Variants in LRP2 observed in about 807,000 individuals in gnomAD.
LRP2 encodes the protein low-density lipoprotein receptor-related protein 2.
A neutral mutation model predicts 531.0 loss-of-function variants in LRP2; 172 were observed. The ratio of observed to expected loss-of-function variants is 0.32; its 90% confidence interval spans 0.29 to 0.37. The LOEUF (loss-of-function observed/expected upper bound fraction) is 0.37. LRP2 is among the 10% of genes least tolerant of loss of function. The pLI is 1.00. For missense variants in LRP2, 5,167 were observed against 5,868.3 expected, an observed-to-expected ratio of 0.88 and a Z score of 3.90; for synonymous variants, 1,992 against 2,027.6, an observed-to-expected ratio of 0.98 and a Z score of 0.47.
chr2:169,357,748 T>C (rs1559090737), intron 1 of LRP2, among the ~76,000 whole-genome samples: 1 of 152,230 alleles, frequency 6.6e-6, no homozygotes, highest in Non-Finnish European at 1.5e-5. Context: ...AGGTTCCTGG[T>C]ATCATTATTT....
Position 169,280,386 on chromosome 2 carries a change from C to A in LRP2, c.1305G>T (p.Leu435=). 6.2e-7 allele frequency: 1 copy of A among 1,614,160 alleles called. No individual in the cohort carries two copies. The highest frequency in any genetic ancestry group is 8.5e-7 in the Non-Finnish European group (1 of 1,180,022). Residue 435 remains leucine (L), a synonymous_variant, in exon 11 of 79, where the codon CTG becomes CTT. Coordinates refer to ENST00000649046, the MANE Select transcript of LRP2 (RefSeq NM_004525.3). ...CGGTGTCTGTCCAAAAAACTCTTTGCAGGTGATAGTGGAAAGCCACACCCA... is the reference window on the plus strand; with the variant it reads ...CGGTGTCTGTCCAAAAAACTCTTTGAAGGTGATAGTGGAAAGCCACACCCA... ...VAVGVAFHYH[L]QRVFWTDTVQ... is the part of the protein sequence containing the mutation.
chr2:169,277,879 G>A lies in LRP2; in HGVS notation c.1638C>T (p.Ser546=). ...PKLERAFMDG[S]NRKDLVKTKL... ...TTGTTTTCACCAAGTCTTTACGGTT[G>A]CTGCCATCCATGAATGCCCTTTCCA... Residue 546 remains serine, a synonymous_variant, in exon 13 of 79, where the codon AGC becomes AGT. Coordinates refer to ENST00000649046, the MANE Select transcript of LRP2 (RefSeq NM_004525.3). 6.2e-7 allele frequency: 1 copy of A among 1,614,074 alleles called. No individual in the cohort carries two copies. The highest frequency in any genetic ancestry group is 8.5e-7 in the Non-Finnish European group (1 of 1,180,000).
intron 40 of LRP2, 94 bp from the exon 41 acceptor site, chr2:169,205,731 G>A (rs1395578830): frequency 2.4e-6 from 3 of 1,262,454 alleles, no homozygotes; most frequent in Admixed American, 3.5e-5. Context: ...ATTGCAAATT[G>A]CCAGTAACAT....
chr2:169,217,362 CT>C (rs1222606122), intron 34 of LRP2, among the ~76,000 whole-genome samples: 1 of 152,132 alleles, frequency 6.6e-6, no homozygotes, highest in African/African-American at 2.4e-5. Context: ...CCTCTAAGTT[CT>C]CAAACTCTGA....
chr2:169,207,232 T>C lies in LRP2; in HGVS notation c.6488A>G (p.Asn2163Ser), dbSNP rs1318433274. The change falls in exon 39 of 79, where the codon AAT (asparagine) becomes AGT (serine). Residue 2163 changes from asparagine (N) to serine (S), a missense_variant. By Grantham distance (46) the Asn-to-Ser change is conservative (BLOSUM62 1). This residue lies in a region of LRP2 where 2,811 missense variants were observed against 3,058.0 expected (regional missense o/e 0.92). Coordinates refer to ENST00000649046, the MANE Select transcript of LRP2 (RefSeq NM_004525.3). ...TATCAGTGTTTCAGAAACAAAGGCA[T>C]TGGTGAAATAAAGATTTCCTATGGG... ...DWVAGNLYFT[N>S]AFVSETLIEV... 3 of 1,613,892 alleles carry C rather than the reference T, an allele frequency of 1.9e-6. No individual in the cohort carries two copies. The highest frequency in any genetic ancestry group is 2.2e-5 in the South Asian group (2 of 91,074).
intron 38 of LRP2, among the ~76,000 whole-genome samples, chr2:169,208,453 T>C (rs1026378940): frequency 6.6e-6 from 1 of 152,160 alleles, no homozygotes; most frequent in African/African-American, 2.4e-5. Context: ...ATATTTCCTT[T>C]TTTTAAATTT....
At chr2:169,361,424 C>G (rs1331906779) in intron 1 of LRP2, among the ~76,000 whole-genome samples, 1 of 151,164 alleles carries the variant, frequency 6.6e-6, no homozygotes, top group African/African-American at 2.4e-5. Flanking sequence ...CTCTCTCTCT[C>G]TCTTCTCCCG....
chr2:169,263,337 A>T (rs1241996339), intron 16 of LRP2, among the ~76,000 whole-genome samples: 3 of 152,076 alleles, frequency 2.0e-5, no homozygotes, highest in Admixed American at 1.3e-4. Flanking sequence ...AATATTCGCA[A>T]CCTACTCATC....
chr2:169,325,830 C>T (rs1025872049), intron 1 of LRP2, among the ~76,000 whole-genome samples: 1 of 151,854 alleles, frequency 6.6e-6, no homozygotes, highest in African/African-American at 2.4e-5. Context: ...TTACAAACCA[C>T]TGAATAGACT....
chr2:169,153,547 C>T (rs1159892997), intron 66 of LRP2, among the ~76,000 whole-genome samples: 1 of 152,168 alleles, frequency 6.6e-6, no homozygotes, highest in Non-Finnish European at 1.5e-5. Flanking sequence ...ATAAATCCTA[C>T]ATTGGTATAG....
chr2:169,234,961 G>T (rs533372344), intron 29 of LRP2, among the ~76,000 whole-genome samples: 3 of 151,402 alleles, frequency 2.0e-5, no homozygotes, highest in South Asian at 2.1e-4. Context: ...CCAGGCTGGA[G>T]TGCAGTGGCA....
rs1688210404 is a variant in LRP2 at position 169,201,760 on chromosome 2, C to T, written c.8320G>A (p.Gly2774Arg). 1.2e-6 allele frequency: 2 copies of T among 1,614,218 alleles called. No individual in the cohort carries two copies. Among genetic ancestry groups the T allele is most frequent in the Non-Finnish European group, 1.7e-6 (2 of 1,180,034 alleles). The change falls in exon 44 of 79, where the codon GGG becomes AGG. Residue 2774 changes from glycine to arginine, a missense_variant. By Grantham distance (125) the Gly-to-Arg change is moderately radical (BLOSUM62 -2). Coordinates refer to ENST00000649046, the MANE Select transcript of LRP2 (RefSeq NM_004525.3). ...GCATTGCAGTCCCTGAACAGGCACC[C>T]TGCCTCATCACTGCCATCACCACAG... is the stretch of plus-strand genomic sequence containing the variant. ...NDCGDGSDEA[G>R]CLFRDCNATT...
At chr2:169,132,118 G>A (rs1231715708) in intron 77 of LRP2, among the ~76,000 whole-genome samples, 1 of 152,186 alleles carries the variant, frequency 6.6e-6, no homozygotes, top group African/African-American at 2.4e-5. Flanking sequence ...GGAAAAATTA[G>A]TGCCATCTAG....
chr2:169,308,837 C>T (rs1684503577), intron 3 of LRP2, among the ~76,000 whole-genome samples: 1 of 152,178 alleles, frequency 6.6e-6, no homozygotes, highest in African/African-American at 2.4e-5. Flanking sequence ...ACAGTCCCAC[C>T]AACAGTGTAA....
intron 28 of LRP2, 132 bp from the exon 29 acceptor site, chr2:169,236,200 C>T (rs1019504485): frequency 3.9e-6 from 3 of 759,628 alleles, no homozygotes; most frequent in Non-Finnish European, 6.7e-6. Context: ...AATATATTCA[C>T]AGAGTTTATT....
intron 31 of LRP2, 77 bp from the exon 32 acceptor site, chr2:169,226,665 C>T: frequency 9.5e-7 from 1 of 1,055,800 alleles, no homozygotes; most frequent in Non-Finnish European, 1.5e-6. Context: ...AGGCAATAGC[C>T]TGTTACCATC....
intron 75 of LRP2, 132 bp from the exon 76 acceptor site, chr2:169,137,625 ATAAGT>A: frequency 1.8e-6 from 1 of 568,496 alleles, no homozygotes; most frequent in South Asian, 2.0e-5. Context: ...GTGCTACGTC[ATAAGT>A]TACCCAAAAG....
At chr2:169,316,842 T>C (rs1684776955) in intron 3 of LRP2, among the ~76,000 whole-genome samples, 1 of 151,384 alleles carries the variant, frequency 6.6e-6, no homozygotes, top group South Asian at 2.1e-4. Context: ...AAGAGGAAAA[T>C]AAAATGGAAT....
intron 35 of LRP2, among the ~76,000 whole-genome samples, 157 bp downstream of exon 35, chr2:169,216,096 T>C (rs1688778295): frequency 1.3e-5 from 2 of 152,030 alleles, no homozygotes; most frequent in Admixed American, 1.3e-4. Context: ...GCGAGGTACG[T>C]GCAAGGGAGA....
Sources: allele counts gnomAD v4.1 joint callset (sites outside exome capture counted in the v4.1 genomes callset), GRCh38; gene constraint gnomAD v4.1.1; regional missense constraint gnomAD v4.1.1; transcripts MANE v1.5; gene names NCBI Gene and HGNC (gene_info 2026-07-23, HGNC 2026-07-21).